The following ERICH1 variants were observed in gnomAD, a reference collection of about 807,000 sequenced individuals.
ERICH1 encodes the protein glutamate rich 1, also known as glutamate-rich protein 1.
Under a neutral mutation model 39.6 loss-of-function variants are expected in ERICH1, and 56 were observed. The observed-to-expected ratio is 1.41, with a 90% CI of 1.14 to 1.77. The LOEUF (loss-of-function observed/expected upper bound fraction) is 1.77, where lower values mean the gene tolerates loss of function less well. ERICH1 is among the 40% of genes most tolerant of loss of function. The pLI is 0.00. For missense variants in ERICH1, 826 were observed against 575.4 expected (o/e 1.44, Z -4.45); for synonymous variants, 313 against 223.6 (o/e 1.40, Z -3.57).
At chr8:700,049 G>A (rs1306944916) in intron 2 of ERICH1, among the ~76,000 whole-genome samples, 2 of 127,216 alleles carry the variant, frequency 1.6e-5, no homozygotes, top group African/African-American at 3.1e-5. Flanking sequence ...GCACAGGCCC[G>A]CACACGCGCA....
downstream of ERICH1, among the ~76,000 whole-genome samples, chr8:661,893 G>T (rs906611148): frequency 5.9e-5 from 9 of 152,258 alleles, no homozygotes; most frequent in Non-Finnish European, 1.2e-4. Flanking sequence ...GAATTCTGTG[G>T]AACCCAGGAA....
At chr8:619,261 C>A (rs889858608) in intron 3 of ERICH1, among the ~76,000 whole-genome samples, 1 of 152,146 alleles carries the variant, frequency 6.6e-6, no homozygotes, top group Admixed American at 6.5e-5. Flanking sequence ...CGTGACCCAT[C>A]GCGCACAAGG....
Position 673,596 on chromosome 8 carries a change from G to C in ERICH1, c.756C>G (p.Asp252Glu). The change falls in exon 4 of 6, where the codon GAC (aspartate) becomes GAG (glutamate). Residue 252 changes from aspartate to glutamate, a missense_variant. Coordinates refer to ENST00000262109, the MANE Select transcript of ERICH1 (RefSeq NM_207332.3). ...CCGGTGTCGGATCTTCCTCACTGGC[G>C]TCCGCACCCTCTTCCTGCCTGGCCC... ...LTRARQEEGA[D>E]ASEEDPTPAG... 6.5e-7 allele frequency: 1 copy of C among 1,550,186 alleles called. No homozygotes were observed. The highest frequency in any genetic ancestry group is 2.3e-5 in the East Asian group (1 of 44,382).
intron 3 of ERICH1, among the ~76,000 whole-genome samples, chr8:677,149 G>A (rs1005808018): frequency 1.3e-5 from 2 of 152,218 alleles, no homozygotes; most frequent in Non-Finnish European, 2.9e-5. Context: ...TGCGGACACC[G>A]CAAGCTGTGA....
At chr8:705,816 A>T (rs1452418116) in intron 2 of ERICH1, among the ~76,000 whole-genome samples, 1 of 152,244 alleles carries the variant, frequency 6.6e-6, no homozygotes, top group Admixed American at 6.5e-5. Flanking sequence ...ACAGTGATGT[A>T]CCACAAAAGA....
rs1563299736 is a variant in ERICH1, at chr8:700,533, GGCGCACAGGCCCGCACAC to G, written c.170-7939_170-7922del. On this transcript the variant is annotated intron_variant, in intron 2 of 5. Coordinates refer to ENST00000262109, the MANE Select transcript of ERICH1 (RefSeq NM_207332.3). ...CCGCACAGGCGCACAGGCCCGCACA[GGCGCACAGGCCCGCACAC>G]GCGCACAGGCCCGCACAGGCGCACA... 7.9e-3 allele frequency among the ~76,000 whole-genome samples: 307 copies of G among 39,014 alleles called. 3 individuals are homozygous for G. Among genetic ancestry groups the G allele is most frequent in the African/African-American group, 0.019 (251 of 12,972 alleles). 25.6% of individuals were successfully genotyped at this position (39,014 alleles called of 152,430 possible).
chr8:634,433 G>A (rs1584975160), intron 3 of ERICH1, among the ~76,000 whole-genome samples: 1 of 152,216 alleles, frequency 6.6e-6, no homozygotes, highest in Admixed American at 6.5e-5. Flanking sequence ...AGTAAACATA[G>A]AATTGCCACA....
intron 1 of ERICH1, among the ~76,000 whole-genome samples, chr8:730,663 G>A (rs1312130591): frequency 3.9e-5 from 6 of 152,192 alleles, no homozygotes; most frequent in South Asian, 2.1e-4. Context: ...CACACCTTAG[G>A]TCCACTGAAG....
intron 3 of ERICH1, 77 bp from the exon 4 acceptor site, chr8:674,124 C>T: frequency 6.9e-7 from 1 of 1,447,844 alleles, no homozygotes; most frequent in South Asian, 1.5e-5. Flanking sequence ...ATAAATTTTC[C>T]ATCAGGATCT....
rs1209141078 is a variant in ERICH1 at position 647,868 on chromosome 8, C to T, written c.976+20730G>A. Among the ~76,000 whole-genome samples, 2 of 67,686 alleles carry T rather than the reference C, an allele frequency of 3.0e-5. 1 individual carries two copies. The highest frequency in any genetic ancestry group is 6.0e-4 in the East Asian group (2 of 3,346). 44.4% of individuals were successfully genotyped at this position (67,686 alleles called of 152,430 possible). A position where few individuals can be genotyped will look rare whatever the true frequency, so the allele number is the denominator to read the frequency against. Reference sequence around the variant, plus strand: ...CCAGCTGGACTCTGAGTCTTTCAGTCTTGATCTATTGCTGCCGGACGGTCT... The same window carrying T: ...CCAGCTGGACTCTGAGTCTTTCAGTTTTGATCTATTGCTGCCGGACGGTCT... On this transcript the variant is annotated intron_variant, in intron 3 of 3. Coordinates refer to the ERICH1 transcript ENST00000522706.
intron 3 of ERICH1, among the ~76,000 whole-genome samples, chr8:677,245 C>T (rs1428544839): frequency 6.6e-6 from 1 of 152,226 alleles, no homozygotes; most frequent in African/African-American, 2.4e-5. Context: ...CAAGCACCAG[C>T]CTCCCCTCTT....
chr8:616,146 G>A (rs571293350), intron 3 of ERICH1: 1 of 179,384 alleles, frequency 5.6e-6, no homozygotes, highest in African/African-American at 2.4e-5. Context: ...GTAATGATAA[G>A]TTATTAATAA....
intron 2 of ERICH1, among the ~76,000 whole-genome samples, chr8:699,369 C>A (rs529090507): frequency 5.4e-4 from 82 of 152,316 alleles, no homozygotes; most frequent in Middle Eastern, 3.4e-3. Flanking sequence ...TTCTTCTCTC[C>A]TGGTACCACG....
At chr8:703,425 T>G (rs1191646335) in intron 2 of ERICH1, among the ~76,000 whole-genome samples, 1 of 151,836 alleles carries the variant, frequency 6.6e-6, no homozygotes, top group Non-Finnish European at 1.5e-5. Flanking sequence ...AGACACGAGA[T>G]CTGCTCCAGA....
chr8:617,125 C>A (rs1318079159), intron 3 of ERICH1, among the ~76,000 whole-genome samples: 1 of 152,152 alleles, frequency 6.6e-6, no homozygotes. Context: ...GTTTAGCTGG[C>A]TAGGAAACTG....
chr8:678,459 C>T (rs1255044874), intron 3 of ERICH1, among the ~76,000 whole-genome samples: 1 of 152,188 alleles, frequency 6.6e-6, no homozygotes, highest in African/African-American at 2.4e-5. Flanking sequence ...CACAATATTC[C>T]TGCATCTGTC....
intron 3 of ERICH1, among the ~76,000 whole-genome samples, chr8:690,098 G>A (rs1808571185): frequency 6.6e-6 from 1 of 152,204 alleles, no homozygotes; most frequent in African/African-American, 2.4e-5. Context: ...AACAAGAGGA[G>A]GAGTACGTGC....
chr8:718,199 G>C (rs1816473569), intron 1 of ERICH1, among the ~76,000 whole-genome samples: 1 of 151,898 alleles, frequency 6.6e-6, no homozygotes, highest in Non-Finnish European at 1.5e-5. Context: ...ACAGATTGGA[G>C]TGCAATGACA....
intron 2 of ERICH1, among the ~76,000 whole-genome samples, chr8:712,747 A>G (rs866585698): frequency 3.3e-5 from 5 of 152,216 alleles, no homozygotes; most frequent in African/African-American, 4.8e-5. Context: ...TTGCTGACAT[A>G]TAGGAAAGCA....
Sources: allele counts gnomAD v4.1 joint callset (sites outside exome capture counted in the v4.1 genomes callset), GRCh38; gene constraint gnomAD v4.1.1; transcripts MANE v1.5; gene names NCBI Gene and HGNC (gene_info 2026-07-23, HGNC 2026-07-21).